Variants in NECTIN2 observed in about 807,000 individuals in gnomAD.
NECTIN2 encodes nectin-2.
NECTIN2 carries 23 observed loss-of-function variants against 56.9 expected under a neutral mutation model. The ratio of observed to expected loss-of-function variants is 0.40; its 90% CI spans 0.29 to 0.57. The LOEUF is 0.57. NECTIN2 is among the 20% of genes least tolerant of loss of function. The pLI is 0.38. For missense variants in NECTIN2, 587 were observed against 718.3 expected, an observed-to-expected ratio of 0.82 and a Z score of 2.09; for synonymous variants, 302 against 313.8, an observed-to-expected ratio of 0.96 and a Z score of 0.40.
At chr19:44,873,583 G>C (rs1343072818) in intron 3 of NECTIN2, among the ~76,000 whole-genome samples, 2 of 151,936 alleles carry the variant, frequency 1.3e-5, no homozygotes, top group African/African-American at 4.8e-5. Context: ...CAGTAAACCA[G>C]GATCACCCCA....
rs1969153298 is a variant in NECTIN2 at position 44,869,961 on chromosome 19, A to G, written c.479-1892A>G. Among the ~76,000 whole-genome samples the G allele has an allele frequency of 1.3e-5, 2 of 152,278 alleles. 1 individual carries two copies. Among genetic ancestry groups the G allele is most frequent in the Non-Finnish European group, 2.9e-5 (2 of 68,026 alleles). On this transcript the variant is annotated intron_variant, in intron 2 of 8. Coordinates refer to ENST00000252483, the MANE Select transcript of NECTIN2 (RefSeq NM_001042724.2). ...ACTCTGTCTCAAATTAATAAAAAAA[A>G]AAGAGAGAGAGAGAGATAACCTCAA...
chr19:44,871,847 C>T lies in NECTIN2; in HGVS notation c.479-6C>T. 6.2e-7 allele frequency: 1 copy of T among 1,610,510 alleles called. No individual in the cohort carries two copies. The highest frequency in any genetic ancestry group is 8.5e-7 in the Non-Finnish European group (1 of 1,177,000). On this transcript the variant is annotated splice_polypyrimidine_tract_variant and splice_region_variant and intron_variant, in intron 2 of 8. Coordinates refer to ENST00000252483, the MANE Select transcript of NECTIN2 (RefSeq NM_001042724.2). ...AGTGACGCACCCCCTCTCCTCCTCT[C>T]CCCAGCCAAGCCCAAGAACCAAGCT...
chr19:44,848,955 A>T (rs1036421638), intron 1 of NECTIN2, among the ~76,000 whole-genome samples: 4 of 151,936 alleles, frequency 2.6e-5, no homozygotes, highest in Non-Finnish European at 5.9e-5. Context: ...CCGTGTGTCC[A>T]TGTCCGCCAG....
In NECTIN2 at chr19:44,871,726, G is replaced by T. The variant is rs141739979; in HGVS notation, c.479-127G>T. On this transcript the variant is annotated intron_variant, in intron 2 of 8. Transcript: ENST00000252483. ...AAAACCACTTATCCCAAGCCAGGCC[G>T]CTGATAAGCAGCAGAGCTGGGATTG... The T allele has an allele frequency of 8.6e-3, 9,142 of 1,061,506 alleles. 62 individuals carry two copies. The highest frequency in any genetic ancestry group is 9.5e-3 in the Non-Finnish European group (7,092 of 744,972). 65.8% of individuals were successfully genotyped at this position (1,061,506 alleles called of 1,614,324 possible). A position where few individuals can be genotyped will look rare whatever the true frequency, so the allele number is the denominator to read the frequency against.
intron 5 of NECTIN2, among the ~76,000 whole-genome samples, chr19:44,876,297 T>C (rs1403468970): frequency 7.6e-6 from 1 of 131,292 alleles, no homozygotes; most frequent in African/African-American, 3.0e-5. Flanking sequence ...ACCCCTAACC[T>C]CTACCCCAGA....
At chr19:44,857,115 T>C (rs1422183532) in intron 1 of NECTIN2, among the ~76,000 whole-genome samples, 1 of 152,070 alleles carries the variant, frequency 6.6e-6, no homozygotes, top group Non-Finnish European at 1.5e-5. Context: ...AATAACAAGA[T>C]TCAGAAAATA....
Position 44,872,001 on chromosome 19 carries a change from G to A in NECTIN2, c.627G>A (p.Val209=). 1.2e-6 allele frequency: 2 copies of A among 1,614,176 alleles called. No homozygotes were observed. Among genetic ancestry groups the A allele is most frequent in the Non-Finnish European group, 1.7e-6 (2 of 1,180,040 alleles). ...ACTGGGAAGCCAAAGAGACTCAGGT[G>A]TCAGGGACCCTGGCCGGAACTGTCA... ...SLDWEAKETQ[V]SGTLAGTVTV... is the part of the protein sequence containing the mutation. The change falls in exon 3 of 9, where the codon GTG becomes GTA. Residue 209 remains valine (V), a synonymous_variant. Transcript: ENST00000252483.
chr19:44,853,414 C>G (rs1389626255), intron 1 of NECTIN2, among the ~76,000 whole-genome samples: 1 of 151,264 alleles, frequency 6.6e-6, no homozygotes, highest in East Asian at 1.9e-4. Flanking sequence ...CCAGGATGGT[C>G]TCAATCTCCT....
intron 6 of NECTIN2, among the ~76,000 whole-genome samples, chr19:44,885,307 CTTTTTTT>C (rs34485333): frequency 2.2e-4 from 25 of 112,900 alleles, no homozygotes; most frequent in Non-Finnish European, 2.1e-4. Flanking sequence ...ATCTTTCTTT[CTTTTTTT>C]TTTTTTTTTT....
chr19:44,885,308 T>A (rs1969347909), intron 6 of NECTIN2, among the ~76,000 whole-genome samples: 1 of 68,548 alleles, frequency 1.5e-5, no homozygotes, highest in South Asian at 4.2e-4. Context: ...TCTTTCTTTC[T>A]TTTTTTTTTT....
intron 6 of NECTIN2, among the ~76,000 whole-genome samples, chr19:44,882,608 G>A (rs1158596607): frequency 6.6e-6 from 1 of 150,526 alleles, no homozygotes; most frequent in African/African-American, 2.5e-5. Context: ...AGCACTTTTG[G>A]AGGCTGAGGT....
intron 1 of NECTIN2, among the ~76,000 whole-genome samples, chr19:44,852,575 T>A (rs1256790280): frequency 6.6e-6 from 1 of 150,478 alleles, no homozygotes; most frequent in Non-Finnish European, 1.5e-5. Flanking sequence ...CTGAGGGCTC[T>A]GTGCAGAGGA....
Position 44,888,115 on chromosome 19 carries a change from G to A in NECTIN2, c.1353G>A (p.Met451Ile). ...TGTCCTCTCTCTACCTCCAGGAAATGCCTCGATACCATGAGCTGCCCACCT... is the reference window on the plus strand; with the variant it reads ...TGTCCTCTCTCTACCTCCAGGAAATACCTCGATACCATGAGCTGCCCACCT... ...DAGASCTEQE[M>I]PRYHELPTLE... Residue 451 changes from methionine to isoleucine, a missense_variant, in exon 9 of 9, where the codon ATG becomes ATA. Transcript: ENST00000252483. The A allele has an allele frequency of 6.2e-7, 1 of 1,610,898 alleles. No individual in the cohort carries two copies. Among genetic ancestry groups the A allele is most frequent in the South Asian group, 1.1e-5 (1 of 91,056 alleles).
chr19:44,875,592 C>T lies in NECTIN2; in HGVS notation c.1042+1114C>T, dbSNP rs1464024019. 2.0e-5 allele frequency among the ~76,000 whole-genome samples: 3 copies of T among 152,162 alleles called. No homozygotes were observed. The highest frequency in any genetic ancestry group is 7.2e-5 in the African/African-American group (3 of 41,444). ...GAAAAAGACATTCTTAGAAACACGC[C>T]AGGGCGACGGTCCATGCAGCACACC... On this transcript the variant is annotated intron_variant, in intron 5 of 8. Coordinates refer to ENST00000252483, the MANE Select transcript of NECTIN2 (RefSeq NM_001042724.2). This position sits in a 1 kb window ranked among gnomAD's most constrained non-coding sequence, Gnocchi z 4.2.
chr19:44,878,431 T>C, intron 5 of NECTIN2: 1 of 1,585,464 alleles, frequency 6.3e-7, no homozygotes, highest in Non-Finnish European at 8.6e-7. Context: ...TGTTGGGAAA[T>C]GGGGACCCCG....
At chr19:44,847,454 G>T (rs1049308762) in intron 1 of NECTIN2, among the ~76,000 whole-genome samples, 1 of 152,162 alleles carries the variant, frequency 6.6e-6, no homozygotes, top group African/African-American at 2.4e-5. Context: ...GATCTCGTGG[G>T]CTTCAGACTT....
rs1599930703 is a variant in NECTIN2, at chr19:44,888,414, T to C, written c.*35T>C. On this transcript the variant is annotated 3_prime_UTR_variant, in exon 9 of 9. Coordinates refer to ENST00000252483, the MANE Select transcript of NECTIN2 (RefSeq NM_001042724.2). ...CGCCTGGCGTCTCACATCTCACCTG[T>C]TGATCCCTTAGCTTTCTTGCCAAGG... 4.4e-6 allele frequency: 7 copies of C among 1,592,052 alleles called. No individual in the cohort carries two copies. The highest frequency in any genetic ancestry group is 1.7e-4 in the Middle Eastern group (1 of 5,930).
intron 1 of NECTIN2, among the ~76,000 whole-genome samples, chr19:44,854,057 ATC>A (rs1352913219): frequency 1.3e-5 from 2 of 151,298 alleles, no homozygotes; most frequent in African/African-American, 4.9e-5. Context: ...GAGGTGGAGT[ATC>A]TCGGGGTAAA....
intron 3 of NECTIN2, among the ~76,000 whole-genome samples, chr19:44,872,973 C>T (rs545395096): frequency 6.6e-6 from 1 of 150,674 alleles, no homozygotes; most frequent in Non-Finnish European, 1.5e-5. Context: ...TGATCCTGAC[C>T]CCTCCCACTG....
Sources: allele counts gnomAD v4.1 joint callset (sites outside exome capture counted in the v4.1 genomes callset), GRCh38; gene constraint gnomAD v4.1.1; non-coding constraint Gnocchi (gnomAD v3.1); transcripts MANE v1.5; gene names NCBI Gene and HGNC (gene_info 2026-07-23, HGNC 2026-07-21).